TTN: variants seen among roughly 807,000 people sequenced by gnomAD.
TTN encodes the protein titin.
A neutral mutation model predicts 3,223.0 loss-of-function variants in TTN; 1,525 were observed. That is an observed-to-expected ratio of 0.47 (90% confidence interval 0.45 to 0.49). The LOEUF (loss-of-function observed/expected upper bound fraction) is 0.49, where lower values mean the gene tolerates loss of function less well. Ranked by LOEUF, TTN falls within the 20% of genes least tolerant of loss-of-function variation. The pLI is 0.00. For synonymous variants in TTN, 14,094 were observed against 15,161.0 expected (o/e 0.93, Z 5.17); for missense variants, 40,786 against 43,424.0 (o/e 0.94, Z 5.40).
At position 178,784,059 on chromosome 2, in the gene TTN, C is replaced by G; in HGVS notation, c.2775+11G>C. ...AGTGGACCATGTAACAGCGGGTAACCAGTGACCAACCTTGGCTTCGCGTCC... is the reference window on the plus strand; with the variant it reads ...AGTGGACCATGTAACAGCGGGTAACGAGTGACCAACCTTGGCTTCGCGTCC... On this transcript the variant is annotated intron_variant, in intron 16 of 362. Coordinates refer to ENST00000589042, the MANE Select transcript of TTN (RefSeq NM_001267550.2). 6.2e-7 allele frequency: 1 copy of G among 1,612,396 alleles called. No individual in the cohort carries two copies. Among genetic ancestry groups the G allele is most frequent in the South Asian group, 1.1e-5 (1 of 90,992 alleles).
At chr2:178,626,747 TG>T (rs1402622650) in intron 240 of TTN, among the ~76,000 whole-genome samples, 12 of 151,970 alleles carry the variant, frequency 7.9e-5, no homozygotes, top group Non-Finnish European at 1.6e-4. Flanking sequence ...GGGAAAAATT[TG>T]TTTTTTTAAT....
chr2:178,532,449 T>C lies in TTN; in HGVS notation c.104166A>G (p.Thr34722=), dbSNP rs1404311137. The C allele has an allele frequency of 6.2e-7, 1 of 1,614,014 alleles. No homozygotes were observed. The highest frequency in any genetic ancestry group is 1.1e-5 in the South Asian group (1 of 91,082). The change falls in exon 358 of 363, where the codon ACA becomes ACG. Residue 34722 remains threonine, a synonymous_variant. Transcript: ENST00000589042. Reference sequence around the variant, plus strand: ...AGGTTGAATACCTGAAGTCTTTTCTTGTTTCCTCCACCTTGACATGAGCTT... The same window carrying C: ...AGGTTGAATACCTGAAGTCTTTTCTCGTTTCCTCCACCTTGACATGAGCTT... ...SPQAHVKVEE[T]RKDFRYSTYH...
At position 178,635,684 on chromosome 2, in the gene TTN, T is replaced by C; in HGVS notation, c.41640A>G (p.Ile13880Met). ...CCTTGGGTTTCACATGCTGGTCTCG[T>C]ATAGGTTTCACCAGCCAATCTCTAA... ...EVIRDWLVKP[I>M]RDQHVKPKGT... Residue 13880 changes from isoleucine (I) to methionine (M), a missense_variant, in exon 227 of 363, where the codon ATA becomes ATG. Coordinates refer to ENST00000589042, the MANE Select transcript of TTN (RefSeq NM_001267550.2). The C allele has an allele frequency of 1.9e-6, 3 of 1,602,174 alleles. No individual in the cohort carries two copies. The highest frequency in any genetic ancestry group is 2.6e-6 in the Non-Finnish European group (3 of 1,173,978).
chr2:178,554,927 T>C lies in TTN; in HGVS notation c.88532A>G (p.Tyr29511Cys). The C allele has an allele frequency of 3.1e-6, 5 of 1,613,814 alleles. No individual in the cohort carries two copies. The highest frequency in any genetic ancestry group is 2.2e-5 in the South Asian group (2 of 91,084). ...CATGGCATTCCTTAGTTTTAATTCA[T>C]AGCATCCACTATTAAGGCGATCGGC... is the stretch of plus-strand genomic sequence containing the variant. ...KDADRLNSGCYELKLRNAMGS... is the reference protein window; with the variant it reads ...KDADRLNSGCCELKLRNAMGS... The change falls in exon 331 of 363, where the codon TAT becomes TGT. Residue 29511 changes from tyrosine to cysteine, a missense_variant. Transcript: ENST00000589042.
At position 178,545,749 on chromosome 2, in the gene TTN, GCCCTTCT is replaced by G. The variant is rs770966074; in HGVS notation, c.95417-63_95417-57del. The G allele has an allele frequency of 9.3e-5, 149 of 1,597,448 alleles. No homozygotes were observed. The Middle Eastern group carries it at 1.3e-3, about 14-fold the overall frequency. ...GCACAAAATTACTATTGATAAGACT[GCCCTTCT>G]CCCTTCTCCCCCTGATTCTATTACA... On this transcript the variant is annotated intron_variant, in intron 343 of 362. Coordinates refer to ENST00000589042, the MANE Select transcript of TTN (RefSeq NM_001267550.2).
chr2:178,747,182 T>C (rs1177743198), intron 47 of TTN: 1 of 1,607,844 alleles, frequency 6.2e-7, no homozygotes, highest in Non-Finnish European at 8.5e-7. Flanking sequence ...GGGTGTGGAG[T>C]ATCTCTCTAG....
At chr2:178,780,288 CT>C (rs2154348359) in intron 21 of TTN, 83 bp from the exon 22 acceptor site, 1 of 1,299,042 alleles carries the variant, frequency 7.7e-7, no homozygotes, top group African/African-American at 1.5e-5. Flanking sequence ...AAACTCTACA[CT>C]GGGGAAAGTT....
intron 350 of TTN, among the ~76,000 whole-genome samples, chr2:178,540,777 CAG>C (rs1224438061): frequency 6.6e-6 from 1 of 152,034 alleles, no homozygotes; most frequent in African/African-American, 2.4e-5. Flanking sequence ...GCCTGGGTGA[CAG>C]AGTGAGACTC....
chr2:178,672,233 G>A lies in TTN; in HGVS notation c.34965C>T (p.Ala11655=), dbSNP rs996246602. 2.4e-5 allele frequency: 38 copies of A among 1,568,430 alleles called. No individual in the cohort carries two copies. The highest frequency in any genetic ancestry group is 3.3e-5 in the Non-Finnish European group (38 of 1,155,880). Residue 11655 remains alanine (A), a synonymous_variant, in exon 155 of 363, where the codon GCC becomes GCT. Coordinates refer to ENST00000589042, the MANE Select transcript of TTN (RefSeq NM_001267550.2). ...CTTTTACTACTACTTCTTGGCGGAA[G>A]GCAACTGATACTTTTTCTTCAAGGA... ...RTVLEEKVSV[A]FRQEVVVKER...
At chr2:178,554,388 A>T in intron 332 of TTN, 65 bp downstream of exon 332, 1 of 1,531,754 alleles carries the variant, frequency 6.5e-7, no homozygotes, top group South Asian at 1.2e-5. Flanking sequence ...AAGCATATGC[A>T]CAGGTTAGCG....
chr2:178,625,879 T>C (rs923130612), intron 240 of TTN, among the ~76,000 whole-genome samples: 4 of 152,036 alleles, frequency 2.6e-5, no homozygotes, highest in African/African-American at 4.8e-5. Context: ...AAGAAAATTT[T>C]AGGGTTTCAT....
Position 178,650,280 on chromosome 2 carries a change from ATAT to A in TTN, c.39710-12_39710-10del. Reference sequence around the variant, plus strand: ...CTCAGGTTCTTCATATACTTTAAAGATATTAGTTAATTTTATTTCAATGTATGG... The same window carrying A: ...CTCAGGTTCTTCATATACTTTAAAGATAGTTAATTTTATTTCAATGTATGG... On this transcript the variant is annotated splice_polypyrimidine_tract_variant and intron_variant, in intron 209 of 362. Coordinates refer to ENST00000589042, the MANE Select transcript of TTN (RefSeq NM_001267550.2). The A allele has an allele frequency of 1.3e-6, 2 of 1,548,630 alleles. No homozygotes were observed. Among genetic ancestry groups the A allele is most frequent in the Non-Finnish European group, 1.7e-6 (2 of 1,144,016 alleles).
Position 178,565,496 on chromosome 2 carries a change from T to G in TTN, c.80636A>C (p.Gln26879Pro), listed in dbSNP as rs1486306347. Residue 26879 changes from glutamine (Q) to proline (P), a missense_variant, in exon 326 of 363, where the codon CAG becomes CCG. By Grantham distance (76) the Gln-to-Pro change is moderately conservative. Coordinates refer to ENST00000589042, the MANE Select transcript of TTN (RefSeq NM_001267550.2). The part of the protein sequence containing the change: ...VPVIAKDLTI[Q>P]PSLKLPFNTY... ...GTTAAATGGTAACTTTAAACTAGGC[T>G]GTATAGTCAAGTCCTTGGCTATGAC... is the stretch of plus-strand genomic sequence containing the variant. 6.2e-7 allele frequency: 1 copy of G among 1,613,328 alleles called. No individual in the cohort carries two copies. Among genetic ancestry groups the G allele is most frequent in the Non-Finnish European group, 8.5e-7 (1 of 1,179,584 alleles).
intron 110 of TTN, 75 bp downstream of exon 110, chr2:178,701,453 T>G (rs1177652979): frequency 1.4e-6 from 2 of 1,473,144 alleles, no homozygotes; most frequent in Non-Finnish European, 1.9e-6. Context: ...TGGTCGCTGG[T>G]ATAAAATTTC....
Position 178,592,825 on chromosome 2 carries a change from T to A in TTN, c.59294A>T (p.Glu19765Val), listed in dbSNP as rs766141647. The change falls in exon 300 of 363, where the codon GAA becomes GTA. Residue 19765 changes from glutamate to valine, a missense_variant. Glu to Val is a moderately radical substitution (Grantham distance 121, BLOSUM62 -2). Transcript: ENST00000589042. ...CTCCGGAACATGAGCTGGATCTGAT[T>A]CACCAGCTGCATTGACTGCTAACAC... Reference protein sequence around the residue: ...FRVLAVNAAGESDPAHVPEPV... With the variant: ...FRVLAVNAAGVSDPAHVPEPV... 12 of 1,613,538 alleles carry A rather than the reference T, an allele frequency of 7.4e-6. No individual in the cohort carries two copies. The South Asian group carries it at 7.7e-5, about 10-fold the overall frequency.
At position 178,722,751 on chromosome 2, in the gene TTN, T is replaced by C. The variant is rs562295146; in HGVS notation, c.22148A>G (p.Asn7383Ser). ...TCCACTGTCATTGATGTTCACTTTATTAAAAACAAGTGTGGCCACATTGTT... is the reference window on the plus strand; with the variant it reads ...TCCACTGTCATTGATGTTCACTTTACTAAAAACAAGTGTGGCCACATTGTT... ...FTNNVATLVF[N>S]KVNINDSGEY... is the part of the protein sequence containing the mutation. The change falls in exon 76 of 363, where the codon AAT becomes AGT. Residue 7383 changes from asparagine (N) to serine (S), a missense_variant. Physicochemically the swap from Asn to Ser is conservative, Grantham distance 46. Transcript: ENST00000589042. 5.0e-6 allele frequency: 8 copies of C among 1,613,320 alleles called. No individual in the cohort carries two copies. The Admixed American group carries it at 8.3e-5, about 17-fold the overall frequency.
chr2:178,624,469 G>C lies in TTN; in HGVS notation c.44811C>G (p.Val14937=). ...KDFKTSCNLN[V]VPPHVEFLRP... is the part of the protein sequence containing the mutation. ...CTTTGTAAGAAGAATACTTACGCACGACATTCAGGTTACAGGAAGTCTTAA... is the reference window on the plus strand; with the variant it reads ...CTTTGTAAGAAGAATACTTACGCACCACATTCAGGTTACAGGAAGTCTTAA... Residue 14937 remains valine, a synonymous_variant, in exon 242 of 363, where the codon GTC becomes GTG. Transcript: ENST00000589042. 4 of 1,612,156 alleles carry C rather than the reference G, an allele frequency of 2.5e-6. No homozygotes were observed. Among genetic ancestry groups the C allele is most frequent in the Non-Finnish European group, 3.4e-6 (4 of 1,178,850 alleles).
At position 178,530,338 on chromosome 2, in the gene TTN, A is replaced by G; in HGVS notation, c.106277T>C (p.Leu35426Ser). 6.2e-7 allele frequency: 1 copy of G among 1,614,018 alleles called. No homozygotes were observed. The highest frequency in any genetic ancestry group is 8.5e-7 in the Non-Finnish European group (1 of 1,179,880). Residue 35426 changes from leucine to serine, a missense_variant, in exon 358 of 363, where the codon TTG (leucine) becomes TCG (serine). Physicochemically the swap from Leu to Ser is moderately radical, Grantham distance 145. Coordinates refer to ENST00000589042, the MANE Select transcript of TTN (RefSeq NM_001267550.2). The part of the protein sequence containing the change: ...ISSKPVIVTG[L>S]QDTTVSSDSV... ...GTCTGAAGAAACAGTTGTATCCTGC[A>G]ACCCAGTAACAATTACTGGTTTTGA...
In TTN at chr2:178,640,589, C is replaced by T. The variant is rs374810937; in HGVS notation, c.40675G>A (p.Val13559Ile). ...PPPKPVEEVE[V>I]PTVTKRERKI... is the part of the protein sequence containing the mutation. ...CTTTCCCTTTTTGTAACAGTAGGTA[C>T]TTCAACCTCTTCAACAGGTTTTGGA... The change falls in exon 221 of 363, where the codon GTA becomes ATA. Residue 13559 changes from valine (V) to isoleucine (I), a missense_variant. Physicochemically the swap from Val to Ile is conservative, Grantham distance 29 (BLOSUM62 3). Transcript: ENST00000589042. 36 of 1,595,016 alleles carry T rather than the reference C, an allele frequency of 2.3e-5. No homozygotes were observed. Among genetic ancestry groups the T allele is most frequent in the Non-Finnish European group, 3.1e-5 (36 of 1,172,944 alleles).
Sources: allele counts gnomAD v4.1 joint callset (sites outside exome capture counted in the v4.1 genomes callset), GRCh38; gene constraint gnomAD v4.1.1; transcripts MANE v1.5; gene names NCBI Gene and HGNC (gene_info 2026-07-23, HGNC 2026-07-21).